The following DPYD variants were observed in gnomAD, a reference collection of about 807,000 sequenced individuals.
DPYD encodes dihydropyrimidine dehydrogenase.
DPYD carries 109 observed loss-of-function variants against 116.2 expected under a neutral mutation model. That is an observed-to-expected ratio of 0.94 (90% CI 0.80 to 1.10). DPYD has a LOEUF of 1.10. Among genes scored for constraint, DPYD ranks in the 50% least tolerant of loss-of-function variants. DPYD has a pLI of 0.00. For synonymous variants in DPYD, 440 were observed against 432.0 expected (o/e 1.02, Z -0.23); for missense variants, 1,302 against 1,254.5 (o/e 1.04, Z -0.57).
intron 13 of DPYD, among the ~76,000 whole-genome samples, chr1:97,501,340 C>T (rs1309759764): frequency 2.6e-5 from 4 of 152,104 alleles, no homozygotes; most frequent in South Asian, 2.1e-4. Flanking sequence ...ATTATACCCC[C>T]GATTGGCTCT....
chr1:97,509,378 T>C (rs186975426), intron 13 of DPYD, among the ~76,000 whole-genome samples: 1 of 151,950 alleles, frequency 6.6e-6, no homozygotes, highest in African/African-American at 2.4e-5. Context: ...CAAACTGTTG[T>C]AGAGGTTTAA....
At chr1:97,888,637 AT>A (rs1442133905) in intron 1 of DPYD, among the ~76,000 whole-genome samples, 8 of 152,050 alleles carry the variant, frequency 5.3e-5, no homozygotes, top group Non-Finnish European at 8.8e-5. Context: ...CAAAAAAAAA[AT>A]AATTCATCAT....
At chr1:97,459,429 T>C (rs980618269) in intron 13 of DPYD, among the ~76,000 whole-genome samples, 1 of 152,060 alleles carries the variant, frequency 6.6e-6, no homozygotes, top group African/African-American at 2.4e-5. Context: ...ATTCTTAGAT[T>C]CCAGACAACA....
Position 97,306,164 on chromosome 1 carries a change from G to T in DPYD, c.2179+13C>A, listed in dbSNP as rs1276994552. The T allele has an allele frequency of 1.9e-6, 3 of 1,612,122 alleles. No homozygotes were observed. Among genetic ancestry groups the T allele is most frequent in the African/African-American group, 2.7e-5 (2 of 74,886 alleles). ...TTACAATAGCGGGCAACTGATTCAA[G>T]TCAAGTTCTTACCTTCCTTTGCAGC... is the stretch of plus-strand genomic sequence containing the variant. On this transcript the variant is annotated intron_variant, in intron 17 of 22. Transcript: ENST00000370192.
At chr1:97,109,836 G>A (rs6669422) in intron 20 of DPYD, among the ~76,000 whole-genome samples, 1,775 of 148,432 alleles carry the variant, frequency 0.012, 16 homozygotes, top group Non-Finnish European at 0.019. Flanking sequence ...GAAAATAAAA[G>A]GAAGTATAAG....
chr1:97,514,815 C>T (rs1402229149), intron 13 of DPYD, among the ~76,000 whole-genome samples: 3 of 151,640 alleles, frequency 2.0e-5, no homozygotes, highest in Non-Finnish European at 4.4e-5. Context: ...ATGTTTTAGC[C>T]ATAATAATGC....
chr1:97,823,860 A>G (rs1242908636), intron 3 of DPYD, among the ~76,000 whole-genome samples: 1 of 121,270 alleles, frequency 8.2e-6, no homozygotes, highest in Non-Finnish European at 1.7e-5. Flanking sequence ...TGAGACTACA[A>G]AGTCTTTTTT....
intron 20 of DPYD, among the ~76,000 whole-genome samples, chr1:97,158,326 C>A (rs182312276): frequency 6.6e-6 from 1 of 151,878 alleles, no homozygotes; most frequent in South Asian, 2.1e-4. Context: ...TACTAGTTTG[C>A]AATATGAAAA....
chr1:97,347,814 G>C (rs578097468), intron 16 of DPYD, among the ~76,000 whole-genome samples: 35 of 152,028 alleles, frequency 2.3e-4, no homozygotes, highest in Non-Finnish European at 4.6e-4. Flanking sequence ...TTTGTAGTGA[G>C]ACCACAATAA....
At chr1:97,866,071 T>C (rs1558018193) in intron 2 of DPYD, among the ~76,000 whole-genome samples, 1 of 151,984 alleles carries the variant, frequency 6.6e-6, no homozygotes, top group Admixed American at 6.6e-5. Context: ...TGGAAATGCA[T>C]GCAGTTACAT....
intron 20 of DPYD, among the ~76,000 whole-genome samples, chr1:97,174,138 T>C (rs1416446301): frequency 6.6e-6 from 1 of 152,004 alleles, no homozygotes; most frequent in Non-Finnish European, 1.5e-5. Flanking sequence ...TGTATAAGGG[T>C]AGGTAGGACG....
Position 97,823,344 on chromosome 1 carries a change from C to T in DPYD, c.233+4770G>A, listed in dbSNP as rs549914914. 8.7e-4 allele frequency among the ~76,000 whole-genome samples: 133 copies of T among 152,094 alleles called. 1 individual carries two copies. Among genetic ancestry groups the T allele is most frequent in the African/African-American group, 2.9e-3 (120 of 41,490 alleles). The stretch of plus-strand genomic sequence containing the variant: ...TAATTTTTTGCATATTTAGTAGAGA[C>T]GGGGTTTCACCGTGTTAGCCAGGAT... On this transcript the variant is annotated intron_variant, in intron 3 of 22. Transcript: ENST00000370192.
intron 19 of DPYD, among the ~76,000 whole-genome samples, chr1:97,204,229 T>A (rs1659443655): frequency 6.6e-6 from 1 of 152,150 alleles, no homozygotes; most frequent in East Asian, 1.9e-4. Flanking sequence ...TTTTAATCCC[T>A]TTACTGTGTA....
At chr1:97,229,605 T>A (rs1661456627) in intron 19 of DPYD, among the ~76,000 whole-genome samples, 1 of 142,706 alleles carries the variant, frequency 7.0e-6, no homozygotes, top group South Asian at 2.4e-4. Context: ...TTTTAATTCA[T>A]ACTTTAGCTA....
chr1:97,167,969 A>G (rs1187789254), intron 20 of DPYD, among the ~76,000 whole-genome samples: 1 of 152,192 alleles, frequency 6.6e-6, no homozygotes, highest in Non-Finnish European at 1.5e-5. Flanking sequence ...AGTCATAAGT[A>G]CATTATTTTT....
At chr1:97,387,485 A>G (rs1161803276) in intron 14 of DPYD, among the ~76,000 whole-genome samples, 1 of 152,104 alleles carries the variant, frequency 6.6e-6, no homozygotes, top group Non-Finnish European at 1.5e-5. Context: ...TAATGAGTTA[A>G]AAAAAGATAC....
chr1:97,279,493 A>ATTTGTTTGTTTG (rs111937508), intron 18 of DPYD, among the ~76,000 whole-genome samples: 3 of 151,052 alleles, frequency 2.0e-5, no homozygotes, highest in Non-Finnish European at 4.4e-5. Flanking sequence ...GGAGACAGAG[A>ATTTGTTTGTTTG]TTTGTTTGTT....
At chr1:97,884,811 A>G (rs1672398275) in intron 1 of DPYD, among the ~76,000 whole-genome samples, 1 of 152,070 alleles carries the variant, frequency 6.6e-6, no homozygotes, top group Non-Finnish European at 1.5e-5. Flanking sequence ...AGTTTATGAT[A>G]TACAGTACCA....
At chr1:97,887,809 T>C (rs1046944031) in intron 1 of DPYD, among the ~76,000 whole-genome samples, 12 of 151,966 alleles carry the variant, frequency 7.9e-5, no homozygotes, top group Non-Finnish European at 1.8e-4. Flanking sequence ...AATTGAATCA[T>C]GGGGCCAGTT....
Sources: gnomAD v4.1 joint callset for allele counts (sites outside exome capture counted in the v4.1 genomes callset) on GRCh38, gnomAD v4.1.1 for gene constraint, MANE v1.5 for transcripts, NCBI Gene and HGNC (gene_info 2026-07-23, HGNC 2026-07-21) for gene names.